The following SOD2 variants were observed in gnomAD, a reference collection of about 807,000 sequenced individuals.
SOD2 encodes superoxide dismutase 2, also known as superoxide dismutase [Mn], mitochondrial.
SOD2 carries 11 observed loss-of-function variants against 27.0 expected under a neutral mutation model. The ratio of observed to expected loss-of-function variants is 0.41; its 90% CI spans 0.26 to 0.67. SOD2 has a LOEUF of 0.67. SOD2 is among the 30% of genes least tolerant of loss of function. The probability of loss-of-function intolerance (pLI) is 0.34; values close to 1 mark genes in which losing one functional copy is unlikely to be tolerated. For synonymous variants in SOD2, 105 were observed against 103.0 expected (o/e 1.02, Z -0.12); for missense variants, 250 against 274.5 (o/e 0.91, Z 0.63).
upstream of SOD2, among the ~76,000 whole-genome samples, chr6:159,697,075 ACACACG>A (rs1300697398): frequency 6.6e-6 from 1 of 150,802 alleles, no homozygotes; most frequent in African/African-American, 2.5e-5. Flanking sequence ...ACACACACAC[ACACACG>A]CAGTCAGCTA....
Position 159,693,221 on chromosome 6 carries a change from GAAGCCACCA to G in SOD2, c.-63_-55del, listed in dbSNP as rs1440097768. Reference sequence around the variant, plus strand: ...CCGCCGATCTGCTGAAGCCGCTGCCGAAGCCACCACAGCCACGAGTGCCGCTCCTGCGCC... The same window carrying G: ...CCGCCGATCTGCTGAAGCCGCTGCCGCAGCCACGAGTGCCGCTCCTGCGCC... On this transcript the variant is annotated 5_prime_UTR_variant, in exon 1 of 5. Transcript: ENST00000538183. 7.9e-5 allele frequency: 117 copies of G among 1,488,056 alleles called. No individual in the cohort carries two copies. The East Asian group carries it at 2.9e-3, about 36-fold the overall frequency. The allele number at this position is 1,488,056 out of a possible 1,614,324, so 92.2% of individuals were successfully genotyped here.
At chr6:159,709,188 T>C (rs1202498675) in intron 1 of SOD2, among the ~76,000 whole-genome samples, 2 of 152,140 alleles carry the variant, frequency 1.3e-5, no homozygotes, top group Non-Finnish European at 2.9e-5. Flanking sequence ...AGCAATACCA[T>C]TCAGGACATA....
intron 1 of SOD2, among the ~76,000 whole-genome samples, chr6:159,733,759 C>G (rs949913922): frequency 6.6e-6 from 1 of 151,472 alleles, no homozygotes; most frequent in Non-Finnish European, 1.5e-5. Context: ...ACTAAAAATA[C>G]AAGGAAGTTA....
chr6:159,755,995 T>C (rs2114964472), intron 1 of SOD2: 1 of 173,462 alleles, frequency 5.8e-6, no homozygotes, highest in East Asian at 1.7e-4. Flanking sequence ...TTCGTACTCA[T>C]GCTGTTACTG....
chr6:159,729,814 C>T (rs1229347607), upstream of SOD2, among the ~76,000 whole-genome samples: 3 of 152,120 alleles, frequency 2.0e-5, no homozygotes, highest in Non-Finnish European at 4.4e-5. Context: ...GCCAAGGTAC[C>T]GTGTCTTCTT....
upstream of SOD2, among the ~76,000 whole-genome samples, chr6:159,727,955 G>C (rs1423793018): frequency 6.6e-6 from 1 of 152,242 alleles, no homozygotes; most frequent in East Asian, 1.9e-4. Context: ...CGGCCGGAGA[G>C]ACCGGCCACT....
At chr6:159,727,294 G>A (rs1270066546) in exon 1 of SOD2, 8 of 1,282,214 alleles carry the variant, frequency 6.2e-6, no homozygotes, top group Non-Finnish European at 8.1e-6. Flanking sequence ...GTTCGGCGGC[G>A]GGCGAGTGAC....
intron 1 of SOD2, chr6:159,760,852 T>C (rs994378210): frequency 4.6e-5 from 7 of 152,192 alleles, no homozygotes; most frequent in Non-Finnish European, 8.8e-5. Context: ...TGGACTCAGA[T>C]ATGTTAGGGG....
intron 1 of SOD2, among the ~76,000 whole-genome samples, chr6:159,708,397 A>G (rs1777667875): frequency 6.6e-6 from 1 of 152,378 alleles, no homozygotes; most frequent in East Asian, 1.9e-4. Flanking sequence ...AATCTCCTTA[A>G]GCTGATAAGC....
At chr6:159,750,306 C>G (rs943819255) in intron 1 of SOD2, among the ~76,000 whole-genome samples, 1 of 152,122 alleles carries the variant, frequency 6.6e-6, no homozygotes, top group Non-Finnish European at 1.5e-5. Flanking sequence ...TCAAATTGAG[C>G]AGGCATCTTT....
chr6:159,718,714 C>G (rs539822880), intron 1 of SOD2, among the ~76,000 whole-genome samples: 1 of 152,228 alleles, frequency 6.6e-6, no homozygotes, highest in South Asian at 2.1e-4. Flanking sequence ...TTTGGCTTCC[C>G]TATCTGTAAA....
At chr6:159,717,976 TTTTC>T (rs1463165130) in intron 1 of SOD2, among the ~76,000 whole-genome samples, 2 of 151,968 alleles carry the variant, frequency 1.3e-5, no homozygotes, top group Non-Finnish European at 2.9e-5. Context: ...TTTTTTTTCT[TTTTC>T]TTTCTCTCTC....
intron 1 of SOD2, among the ~76,000 whole-genome samples, chr6:159,750,220 A>G (rs1446145406): frequency 6.6e-6 from 1 of 152,236 alleles, no homozygotes; most frequent in African/African-American, 2.4e-5. Context: ...TTAAGTTCAC[A>G]GTAGAAATGG....
rs775984309 is a variant in SOD2 at position 159,688,233 on chromosome 6, G to A, written c.236C>T (p.Thr79Ile). Residue 79 changes from threonine to isoleucine, a missense_variant, in exon 3 of 5, where the codon ACA (threonine) becomes ATA (isoleucine). Transcript: ENST00000538183. Reference protein sequence around the residue: ...YQEALAKGDVTAQIALQPALK... With the variant: ...YQEALAKGDVIAQIALQPALK... ...TGCAGGCTGAAGAGCTATCTGGGCT[G>A]TAACATCTCCTGAAAAGTTAAAATG... The A allele has an allele frequency of 6.2e-7, 1 of 1,600,582 alleles. No individual in the cohort carries two copies. The highest frequency in any genetic ancestry group is 1.1e-5 in the South Asian group (1 of 90,752).
chr6:159,727,841 T>A (rs1375394545), upstream of SOD2: 13 of 569,388 alleles, frequency 2.3e-5, no homozygotes, highest in Admixed American at 6.4e-5. Context: ...CGGTCTCTCG[T>A]GAGCCGCTCT....
intron 1 of SOD2, chr6:159,726,904 C>G: frequency 5.4e-6 from 7 of 1,289,042 alleles, no homozygotes; most frequent in South Asian, 1.2e-5. Flanking sequence ...CACGGCCTCT[C>G]TCTTGAGGTG....
chr6:159,732,167 G>GA (rs571126927), upstream of SOD2, among the ~76,000 whole-genome samples: 2 of 152,080 alleles, frequency 1.3e-5, no homozygotes, highest in East Asian at 3.9e-4. Flanking sequence ...GAGTTTGATT[G>GA]AAAAAAATCC....
Position 159,673,052 on chromosome 6 carries a change from T to C in SOD2, c.*9441A>G, listed in dbSNP as rs1779703291. ...TCAATTCAACAAGAAGAGCTAACTATCTTAAATATATATGCACCCAATACA... is the reference window on the plus strand; with the variant it reads ...TCAATTCAACAAGAAGAGCTAACTACCTTAAATATATATGCACCCAATACA... On this transcript the variant is annotated 3_prime_UTR_variant, in exon 5 of 5. Coordinates refer to ENST00000538183, the MANE Select transcript of SOD2 (RefSeq NM_000636.4). The C allele has an allele frequency of 6.6e-6, 1 of 152,148 alleles. No homozygotes were observed. The highest frequency in any genetic ancestry group is 6.5e-5 in the Admixed American group (1 of 15,276). 9.4% of individuals were successfully genotyped at this position (152,148 alleles called of 1,614,324 possible).
intron 4 of SOD2, among the ~76,000 whole-genome samples, chr6:159,683,551 C>A (rs537525839): frequency 1.3e-5 from 2 of 152,276 alleles, no homozygotes; most frequent in East Asian, 3.9e-4. Context: ...ACCAGTATGT[C>A]TTGATCAGTT....
Sources: allele counts gnomAD v4.1 joint callset (sites outside exome capture counted in the v4.1 genomes callset), GRCh38; gene constraint gnomAD v4.1.1; transcripts MANE v1.5; gene names NCBI Gene and HGNC (gene_info 2026-07-23, HGNC 2026-07-21).